The following YTHDF3 variants were observed in gnomAD, a reference collection of about 807,000 sequenced individuals.
The protein encoded by YTHDF3 is YTH domain-containing family protein 3.
Under a neutral mutation model 52.5 loss-of-function variants are expected in YTHDF3, and 9 were observed. That is an observed-to-expected ratio of 0.17 (90% CI 0.10 to 0.30). The LOEUF is 0.30. YTHDF3 is among the 10% of genes least tolerant of loss of function. The pLI, the probability that YTHDF3 is intolerant of heterozygous loss-of-function variation, is 1.00. For synonymous variants in YTHDF3, 274 were observed against 243.3 expected, an observed-to-expected ratio of 1.13 and a Z score of -1.18; for missense variants, 534 against 715.0, an observed-to-expected ratio of 0.75 and a Z score of 2.89.
chr8:63,205,713 C>T (rs113980222), intron 4 of YTHDF3, among the ~76,000 whole-genome samples: 3,819 of 152,174 alleles, frequency 0.025, 157 homozygotes, highest in African/African-American at 0.087. Context: ...GTATTACAGG[C>T]GTGAGCCACT....
intron 4 of YTHDF3, among the ~76,000 whole-genome samples, chr8:63,200,957 T>G (rs924537288): frequency 3.9e-5 from 6 of 152,076 alleles, no homozygotes; most frequent in Non-Finnish European, 7.4e-5. Context: ...GAAAAAGAGA[T>G]AAAGTTGGAA....
rs1463744043 is a variant in YTHDF3, at chr8:63,175,345, G to C, written c.64G>C (p.Gly22Arg). 1.2e-6 allele frequency: 2 copies of C among 1,608,532 alleles called. No individual in the cohort carries two copies. Among genetic ancestry groups the C allele is most frequent in the African/African-American group, 2.7e-5 (2 of 74,780 alleles). Residue 22 changes from glycine to arginine, a missense_variant, in exon 3 of 5, where the codon GGT (glycine) becomes CGT (arginine). By Grantham distance (125) the Gly-to-Arg change is moderately radical (BLOSUM62 -2). This residue lies in a region of YTHDF3 where 196 missense variants were observed against 299.5 expected (regional missense o/e 0.65). Coordinates refer to ENST00000539294, the MANE Select transcript of YTHDF3 (RefSeq NM_152758.6). ...GQGNKVSVQN[G>R]SIHQKDAVND... is the part of the protein sequence containing the mutation. ...CATTTTTTTAGTTTCAGTACAAAAC[G>C]GTTCGATTCATCAAAAAGATGCTGT...
At chr8:63,169,182 C>A in intron 1 of YTHDF3, 1 of 1,378,894 alleles carries the variant, frequency 7.3e-7, no homozygotes, top group Non-Finnish European at 9.6e-7. Context: ...ACCGGGCGAG[C>A]TCTGGGAGAC....
intron 3 of YTHDF3, among the ~76,000 whole-genome samples, chr8:63,183,706 A>G (rs940125299): frequency 1.3e-5 from 2 of 152,222 alleles, no homozygotes; most frequent in African/African-American, 4.8e-5. Flanking sequence ...GAATGTGTTC[A>G]GTTAGTAAAT....
At chr8:63,207,495 A>T (rs532727121) in intron 4 of YTHDF3, among the ~76,000 whole-genome samples, 1 of 151,790 alleles carries the variant, frequency 6.6e-6, no homozygotes, top group African/African-American at 2.4e-5. Context: ...TTTCAAACTC[A>T]TTCTTTTTCT....
chr8:63,173,220 A>ATATATATATATATATCTATATATACAC (rs1807459710), intron 2 of YTHDF3, among the ~76,000 whole-genome samples: 1 of 148,572 alleles, frequency 6.7e-6, no homozygotes, highest in African/African-American at 2.5e-5. Flanking sequence ...ATATACAGAT[A>ATATATATATATATATCTATATATACAC]AATTTTAAGT....
chr8:63,194,492 CAAT>C (rs908337186), intron 4 of YTHDF3, among the ~76,000 whole-genome samples: 7 of 151,342 alleles, frequency 4.6e-5, no homozygotes, highest in African/African-American at 1.7e-4. Flanking sequence ...TCTCAAAAAA[CAAT>C]AAAAGTAAAA....
At chr8:63,177,356 T>G (rs1807765567) in intron 3 of YTHDF3, among the ~76,000 whole-genome samples, 1 of 152,052 alleles carries the variant, frequency 6.6e-6, no homozygotes, top group South Asian at 2.1e-4. Context: ...CTAGCATACA[T>G]GGGAGGAGAA....
At chr8:63,188,452 G>A (rs1373531848) in intron 4 of YTHDF3, among the ~76,000 whole-genome samples, 8 of 149,912 alleles carry the variant, frequency 5.3e-5, no homozygotes, top group African/African-American at 1.5e-4. Context: ...TCAGCTTCCC[G>A]AGTAGCTGGG....
chr8:63,179,365 G>A (rs1013220344), intron 3 of YTHDF3, among the ~76,000 whole-genome samples: 2 of 152,148 alleles, frequency 1.3e-5, no homozygotes, highest in Admixed American at 6.5e-5. Flanking sequence ...GGACCCTGCG[G>A]CCTTCCGCAG....
intron 4 of YTHDF3, among the ~76,000 whole-genome samples, chr8:63,190,647 A>G (rs889383782): frequency 9.2e-5 from 14 of 152,172 alleles, no homozygotes; most frequent in Non-Finnish European, 1.6e-4. Context: ...GCTGAATCAA[A>G]TGTAGCCAAC....
intron 2 of YTHDF3, among the ~76,000 whole-genome samples, chr8:63,173,202 T>TATA (rs1554533375): frequency 4.0e-5 from 5 of 125,916 alleles, no homozygotes; most frequent in Admixed American, 3.1e-4. Context: ...AGGATTATAT[T>TATA]TATATATATA....
Position 63,186,236 on chromosome 8 carries a change from G to T in YTHDF3, c.225G>T (p.Ala75=). The change falls in exon 4 of 5, where the codon GCG becomes GCT. Residue 75 remains alanine (A), a synonymous_variant. Coordinates refer to ENST00000539294, the MANE Select transcript of YTHDF3 (RefSeq NM_152758.6). ...TTCCATATTCTCTTGGGGAAGCAGC[G>T]TGGTCCACAGCTGGAGACCAGCCTA... ...IGFPYSLGEA[A]WSTAGDQPMP... 1 of 1,613,954 alleles carries T rather than the reference G, an allele frequency of 6.2e-7. No individual in the cohort carries two copies. Among genetic ancestry groups the T allele is most frequent in the Non-Finnish European group, 8.5e-7 (1 of 1,179,894 alleles).
chr8:63,170,828 A>G (rs73684686), intron 2 of YTHDF3, among the ~76,000 whole-genome samples: 11,225 of 152,212 alleles, frequency 0.074, 697 homozygotes, highest in East Asian at 0.36. Flanking sequence ...CACAAGTTCT[A>G]TGAGGTACTT....
chr8:63,193,149 G>A (rs564289765), intron 4 of YTHDF3, among the ~76,000 whole-genome samples: 6 of 152,176 alleles, frequency 3.9e-5, no homozygotes, highest in South Asian at 2.1e-4. Flanking sequence ...AGGCCCAGGC[G>A]CATGGATTGC....
chr8:63,189,384 C>T (rs965812188), intron 4 of YTHDF3, among the ~76,000 whole-genome samples: 2 of 152,162 alleles, frequency 1.3e-5, no homozygotes, highest in Non-Finnish European at 1.5e-5. Flanking sequence ...ATGGGCTTTT[C>T]TATAGGGGAT....
chr8:63,175,660 A>G (rs764100414), intron 3 of YTHDF3: 34 of 330,760 alleles, frequency 1.0e-4, no homozygotes, highest in Non-Finnish European at 1.8e-4. Context: ...GGTGACCATT[A>G]TTTGTATATA....
At position 63,210,916 on chromosome 8, in the gene YTHDF3, C is replaced by G. The variant is rs1271841219; in HGVS notation, c.*1210C>G. On this transcript the variant is annotated 3_prime_UTR_variant, in exon 5 of 5. Coordinates refer to ENST00000539294, the MANE Select transcript of YTHDF3 (RefSeq NM_152758.6). ...TTGTATAATTAAATGTGTCAAGCAT[C>G]TGTATTAATTGATTTGATGGCATAA... is the stretch of plus-strand genomic sequence containing the variant. 1 of 152,462 alleles carries G rather than the reference C, an allele frequency of 6.6e-6. No homozygotes were observed. Among genetic ancestry groups the G allele is most frequent in the Non-Finnish European group, 1.5e-5 (1 of 67,964 alleles). The allele number at this position is 152,462 out of a possible 1,614,324, so 9.4% of individuals were successfully genotyped here. A position where few individuals can be genotyped will look rare whatever the true frequency, so the allele number is the denominator to read the frequency against.
chr8:63,197,472 T>G (rs1223061601), intron 4 of YTHDF3, among the ~76,000 whole-genome samples: 1 of 152,226 alleles, frequency 6.6e-6, no homozygotes, highest in East Asian at 1.9e-4. Context: ...TAAGGAAGAT[T>G]AAATCACTTA....
Sources: allele counts gnomAD v4.1 joint callset (sites outside exome capture counted in the v4.1 genomes callset), GRCh38; gene constraint gnomAD v4.1.1; regional missense constraint gnomAD v4.1.1; transcripts MANE v1.5; gene names NCBI Gene and HGNC (gene_info 2026-07-23, HGNC 2026-07-21).